MYSM1: variants seen among roughly 807,000 people sequenced by gnomAD.
The protein encoded by MYSM1 is deubiquitinase MYSM1.
A neutral mutation model predicts 116.0 loss-of-function variants in MYSM1; 51 were observed. That is an observed-to-expected ratio of 0.44 (90% CI 0.35 to 0.56). The LOEUF is 0.56. MYSM1 is among the 20% of genes least tolerant of loss of function. The pLI, the probability that MYSM1 is intolerant of heterozygous loss-of-function variation, is 0.00. For synonymous variants in MYSM1, 313 were observed against 315.2 expected (o/e 0.99, Z 0.07); for missense variants, 900 against 974.9 (o/e 0.92, Z 1.02).
rs191784303 is a variant in MYSM1 at position 58,696,945 on chromosome 1, C to A, written c.69-1738G>T. On this transcript the variant is annotated intron_variant, in intron 1 of 19. Transcript: ENST00000472487. ...AGTGAAGAGAATAATATGATCAGAT[C>A]TGGATATAAGAAAGATTACTCTGAC... 3.8e-3 allele frequency among the ~76,000 whole-genome samples: 586 copies of A among 152,244 alleles called. 1 individual carries two copies. The highest frequency in any genetic ancestry group is 6.4e-3 in the Non-Finnish European group (433 of 68,024).
rs368632924 is a variant in MYSM1 at position 58,681,828 on chromosome 1, G to T, written c.1216C>A (p.Pro406Thr). Residue 406 changes from proline (P) to threonine (T), a missense_variant, in exon 8 of 20, where the codon CCA (proline) becomes ACA (threonine). Around this residue, in one of 3 missense-constraint regions of MYSM1, gnomAD observed 622 missense variants for 623.7 expected, o/e 1.00. Transcript: ENST00000472487. Reference sequence around the variant, plus strand: ...TTTCTAATTTTCAAATAGCGTTCTGGTGTTTTAGCTTGGCGCCCCTCAAAA... The same window carrying T: ...TTTCTAATTTTCAAATAGCGTTCTGTTGTTTTAGCTTGGCGCCCCTCAAAA... ...EFFEGRQAKT[P>T]ERYLKIRNYI... is the part of the protein sequence containing the mutation. 6.2e-7 allele frequency: 1 copy of T among 1,604,076 alleles called. No individual in the cohort carries two copies. Among genetic ancestry groups the T allele is most frequent in the Admixed American group, 1.8e-5 (1 of 57,014 alleles).
rs1644332573 is a variant in MYSM1 at position 58,657,363 on chromosome 1, A to C, written c.*2634T>G. On this transcript the variant is annotated 3_prime_UTR_variant, in exon 20 of 20. Transcript: ENST00000472487. ...TTCTCCACTTCTGTAAACATTATTA[A>C]AGGCAGGTGTTCCTTTGAGACTCTG... 6.6e-6 allele frequency: 1 copy of C among 152,148 alleles called. No homozygotes were observed. Among genetic ancestry groups the C allele is most frequent in the African/African-American group, 2.4e-5 (1 of 41,430 alleles). The allele number at this position is 152,148 out of a possible 1,614,324, so 9.4% of individuals were successfully genotyped here.
chr1:58,664,128 G>A (rs140761513), intron 17 of MYSM1, among the ~76,000 whole-genome samples: 675 of 152,134 alleles, frequency 4.4e-3, no homozygotes, highest in African/African-American at 0.016. Flanking sequence ...AAAGTCACAC[G>A]TACTGCTATT....
intron 11 of MYSM1, among the ~76,000 whole-genome samples, chr1:58,672,174 CCTT>C (rs1049791522): frequency 6.6e-6 from 1 of 152,156 alleles, no homozygotes; most frequent in African/African-American, 2.4e-5. Context: ...AAAATTTACT[CCTT>C]CTCTTGATTT....
At position 58,673,620 on chromosome 1, in the gene MYSM1, A is replaced by G. The variant is rs1261904700; in HGVS notation, c.1525T>C (p.Trp509Arg). ...TCCTTTGCATCACACCAGTTTCCCC[A>G]TGGGTCTCGGACCCTACGTCTCCTT... The part of the protein sequence containing the change: ...RTRRRRVRDP[W>R]GNWCDAKDLE... The change falls in exon 11 of 20, where the codon TGG becomes CGG. Residue 509 changes from tryptophan to arginine, a missense_variant. By Grantham distance (101) the Trp-to-Arg change is moderately radical. Coordinates refer to ENST00000472487, the MANE Select transcript of MYSM1 (RefSeq NM_001085487.3). The G allele has an allele frequency of 6.2e-7, 1 of 1,614,094 alleles. No individual in the cohort carries two copies. Among genetic ancestry groups the G allele is most frequent in the East Asian group, 2.2e-5 (1 of 44,866 alleles).
rs1168976171 is a variant in MYSM1, at chr1:58,661,218, G to A, written c.2280C>T (p.Pro760=). 6.2e-7 allele frequency: 1 copy of A among 1,612,728 alleles called. No individual in the cohort carries two copies. The change falls in exon 19 of 20, where the codon CCC becomes CCT. Residue 760 remains proline (P), a synonymous_variant. Coordinates refer to ENST00000472487, the MANE Select transcript of MYSM1 (RefSeq NM_001085487.3). ...EKYRLSHSSV[P]MDKIFRRDSD... ...AATCCCGGCGAAAGATTTTATCCAT[G>A]GGGACGCTGCTGTAGGAAGAAATAT...
chr1:58,668,799 A>C (rs980302415), intron 13 of MYSM1, 117 bp from the exon 14 acceptor site: 1 of 1,043,872 alleles, frequency 9.6e-7, no homozygotes, highest in African/African-American at 1.6e-5. Flanking sequence ...CTCAGCACTA[A>C]CCAAAGCTCA....
chr1:58,697,671 C>T (rs1644996234), intron 1 of MYSM1, among the ~76,000 whole-genome samples: 1 of 151,234 alleles, frequency 6.6e-6, no homozygotes. Flanking sequence ...CTCACTGCAA[C>T]CTTCACCTCC....
intron 17 of MYSM1, among the ~76,000 whole-genome samples, chr1:58,662,924 A>T (rs1644416473): frequency 6.6e-6 from 1 of 152,160 alleles, no homozygotes; most frequent in South Asian, 2.1e-4. Flanking sequence ...TGCTTTGATT[A>T]CTTACTAAAC....
chr1:58,691,511 C>T (rs1007126557), intron 3 of MYSM1, among the ~76,000 whole-genome samples: 3 of 152,156 alleles, frequency 2.0e-5, no homozygotes, highest in East Asian at 1.9e-4. Context: ...ACATGTGCAT[C>T]GCTGGTTTCT....
At position 58,676,892 on chromosome 1, in the gene MYSM1, C is replaced by A; in HGVS notation, c.1390+34G>T. 6 of 1,600,080 alleles carry A rather than the reference C, an allele frequency of 3.7e-6. No individual in the cohort carries two copies. In the South Asian group the frequency reaches 4.5e-5, roughly 12 times the overall value. ...TAAGTGCTGTAAGGATAAAAAATGT[C>A]GAGTAAAAGATGTTGTTGGGTTTTT... On this transcript the variant is annotated intron_variant, in intron 9 of 19. Coordinates refer to ENST00000472487, the MANE Select transcript of MYSM1 (RefSeq NM_001085487.3).
rs748564123 is a variant in MYSM1, at chr1:58,690,209, A to T, written c.320+17T>A. On this transcript the variant is annotated intron_variant, in intron 5 of 19. Transcript: ENST00000472487. Reference sequence around the variant, plus strand: ...CTAATGAAAACAGATTTATAAATATAAAATATAAGTACATACATGATTTTT... The same window carrying T: ...CTAATGAAAACAGATTTATAAATATTAAATATAAGTACATACATGATTTTT... 1.7e-5 allele frequency: 26 copies of T among 1,489,810 alleles called. No homozygotes were observed. The highest frequency in any genetic ancestry group is 2.2e-5 in the Non-Finnish European group (25 of 1,115,730). 92.3% of individuals were successfully genotyped at this position (1,489,810 alleles called of 1,614,324 possible). A position where few individuals can be genotyped will look rare whatever the true frequency, so the allele number is the denominator to read the frequency against.
Position 58,659,821 on chromosome 1 carries a change from T to C in MYSM1, c.*176A>G. On this transcript the variant is annotated 3_prime_UTR_variant, in exon 20 of 20. Transcript: ENST00000472487. ...GCAGAACACTCTGATAATCACTATA[T>C]GAAAACAAATTTGTATCTCTTCCTT... 1 of 507,122 alleles carries C rather than the reference T, an allele frequency of 2.0e-6. No individual in the cohort carries two copies. Among genetic ancestry groups the C allele is most frequent in the Non-Finnish European group, 3.4e-6 (1 of 291,678 alleles). 31.4% of individuals were successfully genotyped at this position (507,122 alleles called of 1,614,324 possible). A position where few individuals can be genotyped will look rare whatever the true frequency, so the allele number is the denominator to read the frequency against.
chr1:58,671,842 T>A, intron 12 of MYSM1, 28 bp downstream of exon 12: 1 of 1,550,416 alleles, frequency 6.4e-7, no homozygotes, highest in Non-Finnish European at 8.8e-7. Context: ...GATAAATGTT[T>A]AAAAACCACA....
At chr1:58,662,908 T>C (rs1209112078) in intron 17 of MYSM1, among the ~76,000 whole-genome samples, 1 of 152,140 alleles carries the variant, frequency 6.6e-6, no homozygotes, top group African/African-American at 2.4e-5. Flanking sequence ...AGTCATTTAC[T>C]TGACATGCTT....
At position 58,654,835 on chromosome 1, in the gene MYSM1, T is replaced by C. The variant is rs1380610414; in HGVS notation, c.*5162A>G. ...CAAAAGCTTAAAATCAGATATCTTA[T>C]AATGTGTCACAATTAAGTATGGAGA... On this transcript the variant is annotated 3_prime_UTR_variant, in exon 20 of 20. Coordinates refer to ENST00000472487, the MANE Select transcript of MYSM1 (RefSeq NM_001085487.3). 1.3e-5 allele frequency: 2 copies of C among 152,224 alleles called. No homozygotes were observed. Among genetic ancestry groups the C allele is most frequent in the South Asian group, 2.1e-4 (1 of 4,832 alleles). The allele number at this position is 152,224 out of a possible 1,614,324, so 9.4% of individuals were successfully genotyped here.
At chr1:58,675,018 C>G (rs191198341) in intron 10 of MYSM1, among the ~76,000 whole-genome samples, 2 of 147,450 alleles carry the variant, frequency 1.4e-5, no homozygotes, top group East Asian at 4.0e-4. Flanking sequence ...CCTAGTAGGT[C>G]ACTTTATTTT....
chr1:58,669,111 AGT>A, intron 12 of MYSM1, 73 bp from the exon 13 acceptor site: 1 of 1,136,574 alleles, frequency 8.8e-7, no homozygotes. Flanking sequence ...TAAATCTGAA[AGT>A]GTATATCAAT....
chr1:58,698,213 G>C (rs1376169242), intron 1 of MYSM1, among the ~76,000 whole-genome samples: 6 of 147,672 alleles, frequency 4.1e-5, no homozygotes, highest in African/African-American at 1.5e-4. Flanking sequence ...CCATTCTCCT[G>C]CCTCAGCCTC....
Sources: gnomAD v4.1 joint callset for allele counts (sites outside exome capture counted in the v4.1 genomes callset) on GRCh38, gnomAD v4.1.1 for gene constraint, gnomAD v4.1.1 regional missense constraint, MANE v1.5 for transcripts, NCBI Gene and HGNC (gene_info 2026-07-23, HGNC 2026-07-21) for gene names.